GLIPR1L2: variants seen among roughly 807,000 people sequenced by gnomAD.
GLIPR1L2 encodes GLIPR1 like 2.
A neutral mutation model predicts 28.4 loss-of-function variants in GLIPR1L2; 21 were observed. The observed-to-expected ratio is 0.74, with a 90% CI of 0.52 to 1.06. GLIPR1L2 has a LOEUF of 1.06. Among genes scored for constraint, GLIPR1L2 ranks in the 50% least tolerant of loss-of-function variants. The probability of loss-of-function intolerance (pLI) is 0.00; values close to 1 mark genes in which losing one functional copy is unlikely to be tolerated. For synonymous variants in GLIPR1L2, 145 were observed against 139.3 expected (o/e 1.04, Z -0.29); for missense variants, 476 against 416.9 (o/e 1.14, Z -1.23).
intron 1 of GLIPR1L2, 59 bp from the exon 2 acceptor site, chr12:75,410,375 T>C: frequency 5.0e-6 from 7 of 1,392,466 alleles, no homozygotes; most frequent in Non-Finnish European, 5.7e-6. Flanking sequence ...CAAGAAAAAA[T>C]ATTTTAGACT....
chr12:75,408,744 A>G (rs922074942), intron 1 of GLIPR1L2, among the ~76,000 whole-genome samples: 4 of 152,168 alleles, frequency 2.6e-5, no homozygotes, highest in Admixed American at 6.6e-5. Context: ...ATGCAAACTG[A>G]AAGTTAAAGG....
At chr12:75,421,241 A>G (rs1019672499) in intron 3 of GLIPR1L2, among the ~76,000 whole-genome samples, 23 of 152,328 alleles carry the variant, frequency 1.5e-4, no homozygotes, top group African/African-American at 5.3e-4. Flanking sequence ...TCTAAACAAA[A>G]TGCATTTCTT....
intron 1 of GLIPR1L2, chr12:75,391,575 G>T: frequency 6.8e-7 from 1 of 1,473,512 alleles, no homozygotes; most frequent in Non-Finnish European, 9.1e-7. Flanking sequence ...TAAGGTGATG[G>T]AGGCACTGGC....
intron 1 of GLIPR1L2, among the ~76,000 whole-genome samples, chr12:75,396,565 ATTG>A (rs2045683307): frequency 6.6e-6 from 1 of 152,180 alleles, no homozygotes; most frequent in African/African-American, 2.4e-5. Flanking sequence ...CTTGAATGAT[ATTG>A]TTCTCTCTCA....
intron 1 of GLIPR1L2, among the ~76,000 whole-genome samples, chr12:75,392,502 GA>G (rs371785301): frequency 2.6e-5 from 4 of 152,102 alleles, no homozygotes; most frequent in Middle Eastern, 3.4e-3. Flanking sequence ...CTGTCTTATA[GA>G]ACTATGCTAG....
At position 75,431,114 on chromosome 12, in the gene GLIPR1L2, G is replaced by C. The variant is rs529718611; in HGVS notation, c.988G>C (p.Glu330Gln). ...MEEEKEEREEEEEETQKEKME... is the reference protein window; with the variant it reads ...MEEEKEEREEQEEETQKEKME... ...GGAGGAAAAAGAAGAGAGAGAGGAG[G>C]AGGAGGAGGAAACACAAAAAGAAAA... Residue 330 changes from glutamate to glutamine, a missense_variant, in exon 6 of 6, where the codon GAG becomes CAG. Coordinates refer to ENST00000550916, the MANE Select transcript of GLIPR1L2 (RefSeq NM_001270396.2). 25 of 1,004,180 alleles carry C rather than the reference G, an allele frequency of 2.5e-5. No homozygotes were observed. In the East Asian group the frequency reaches 4.9e-4, roughly 20 times the overall value. 62.2% of individuals were successfully genotyped at this position (1,004,180 alleles called of 1,614,324 possible).
intron 2 of GLIPR1L2, among the ~76,000 whole-genome samples, chr12:75,412,387 T>G (rs978611998): frequency 3.3e-5 from 5 of 151,984 alleles, no homozygotes; most frequent in African/African-American, 1.2e-4. Context: ...CAAAAGAAAC[T>G]ACCATCAGAG....
intron 1 of GLIPR1L2, among the ~76,000 whole-genome samples, chr12:75,394,177 T>C (rs2045658972): frequency 6.6e-6 from 1 of 152,096 alleles, no homozygotes; most frequent in African/African-American, 2.4e-5. Context: ...TTTTCAGATA[T>C]ATGATTTGAA....
At chr12:75,425,813 A>G (rs764128896) in intron 4 of GLIPR1L2, among the ~76,000 whole-genome samples, 11 of 152,182 alleles carry the variant, frequency 7.2e-5, no homozygotes, top group Non-Finnish European at 1.5e-4. Flanking sequence ...AATTAAAAGT[A>G]TAATGGGGGC....
At chr12:75,420,651 T>C (rs2045967741) in intron 3 of GLIPR1L2, among the ~76,000 whole-genome samples, 1 of 152,212 alleles carries the variant, frequency 6.6e-6, no homozygotes, top group African/African-American at 2.4e-5. Flanking sequence ...CAGTGGACTT[T>C]GCTGCTTATA....
chr12:75,393,228 G>A (rs1452816165), intron 1 of GLIPR1L2, among the ~76,000 whole-genome samples: 1 of 151,910 alleles, frequency 6.6e-6, no homozygotes, highest in Non-Finnish European at 1.5e-5. Context: ...TTAAAAAATT[G>A]TATTACAATA....
chr12:75,394,168 T>C (rs2045658804), intron 1 of GLIPR1L2, among the ~76,000 whole-genome samples: 1 of 152,080 alleles, frequency 6.6e-6, no homozygotes, highest in South Asian at 2.1e-4. Context: ...TATTAATCTT[T>C]TTCAGATATA....
chr12:75,409,556 G>A, intron 1 of GLIPR1L2, among the ~76,000 whole-genome samples: 1 of 97,478 alleles, frequency 1.0e-5, no homozygotes. Context: ...ATTTTTTTTG[G>A]GTGTGTGTGT....
At chr12:75,409,563 G>GTATATATA (rs1566069357) in intron 1 of GLIPR1L2, among the ~76,000 whole-genome samples, 1 of 92,522 alleles carries the variant, frequency 1.1e-5, no homozygotes. Flanking sequence ...TTGGGTGTGT[G>GTATATATA]TGTATATATA....
intron 4 of GLIPR1L2, among the ~76,000 whole-genome samples, chr12:75,428,593 T>C (rs1230115297): frequency 6.6e-6 from 1 of 152,138 alleles, no homozygotes; most frequent in Non-Finnish European, 1.5e-5. Context: ...AGGAGCCAAA[T>C]GTTAATCACC....
chr12:75,398,766 T>C (rs1258300629), intron 1 of GLIPR1L2, among the ~76,000 whole-genome samples: 8 of 152,212 alleles, frequency 5.3e-5, no homozygotes, highest in Non-Finnish European at 1.2e-4. Flanking sequence ...AATGTTAACA[T>C]TTTCTAACAG....
chr12:75,417,070 A>C (rs1329694650), intron 3 of GLIPR1L2, among the ~76,000 whole-genome samples: 1 of 152,110 alleles, frequency 6.6e-6, no homozygotes, highest in Non-Finnish European at 1.5e-5. Context: ...TTTAGGTCCT[A>C]ATTTCCAGAA....
chr12:75,393,082 A>G (rs2045648142), intron 1 of GLIPR1L2, among the ~76,000 whole-genome samples: 1 of 152,230 alleles, frequency 6.6e-6, no homozygotes, highest in Admixed American at 6.5e-5. Context: ...TCCAAAAGTT[A>G]ATACCTGTAA....
chr12:75,401,453 G>A (rs2045740920), intron 1 of GLIPR1L2, among the ~76,000 whole-genome samples: 1 of 151,638 alleles, frequency 6.6e-6, no homozygotes, highest in African/African-American at 2.4e-5. Flanking sequence ...AATATATCAA[G>A]TGAAATTTCC....
Sources: gnomAD v4.1 joint callset for allele counts (sites outside exome capture counted in the v4.1 genomes callset) on GRCh38, gnomAD v4.1.1 for gene constraint, MANE v1.5 for transcripts, NCBI Gene and HGNC (gene_info 2026-07-23, HGNC 2026-07-21) for gene names.